Variants in CDH10 observed in about 807,000 individuals in gnomAD.
The protein encoded by CDH10 is cadherin-10.
CDH10 carries 30 observed loss-of-function variants against 73.1 expected under a neutral mutation model. The observed-to-expected ratio is 0.41, with a 90% CI of 0.31 to 0.56. The LOEUF is 0.56. Among genes scored for constraint, CDH10 ranks in the 20% least tolerant of loss-of-function variants. The pLI is 0.27. For missense variants in CDH10, 815 were observed against 973.7 expected, an observed-to-expected ratio of 0.84 and a Z score of 2.17; for synonymous variants, 345 against 348.2, an observed-to-expected ratio of 0.99 and a Z score of 0.10.
chr5:24,632,138 T>C (rs1230452613), intron 1 of CDH10, among the ~76,000 whole-genome samples: 1 of 152,108 alleles, frequency 6.6e-6, no homozygotes, highest in African/African-American at 2.4e-5. Flanking sequence ...TAGATATTTC[T>C]AGCTAAAATT....
rs70965605 is a variant in CDH10 at position 24,504,506 on chromosome 5, CT to C, written c.1393+605del. 1.6e-3 allele frequency among the ~76,000 whole-genome samples: 101 copies of C among 65,160 alleles called. 37 individuals carry two copies. The highest frequency in any genetic ancestry group is 3.7e-3 in the African/African-American group (59 of 16,040). The allele number at this position is 65,160 out of a possible 152,430, so 42.7% of individuals were successfully genotyped here. On this transcript the variant is annotated intron_variant, in intron 8 of 11. Transcript: ENST00000264463. ...TATTAAATGCTTTTCTCCTATTAATCTTTTTTTTTTTTTTTTTTTTTTTTTT... is the reference window on the plus strand; with the variant it reads ...TATTAAATGCTTTTCTCCTATTAATCTTTTTTTTTTTTTTTTTTTTTTTTT...
chr5:24,617,923 A>G (rs1430152015), intron 1 of CDH10, among the ~76,000 whole-genome samples: 1 of 152,190 alleles, frequency 6.6e-6, no homozygotes, highest in Non-Finnish European at 1.5e-5. Context: ...ATTGTAAGGA[A>G]TCTTAGCAAT....
intron 5 of CDH10, among the ~76,000 whole-genome samples, chr5:24,525,805 T>C (rs547412367): frequency 6.6e-6 from 1 of 152,192 alleles, no homozygotes; most frequent in East Asian, 1.9e-4. Context: ...CATGTCTTAG[T>C]TTCCTGTTCA....
At chr5:24,534,243 A>C (rs1375324680) in intron 5 of CDH10, among the ~76,000 whole-genome samples, 1 of 152,082 alleles carries the variant, frequency 6.6e-6, no homozygotes, top group Admixed American at 6.6e-5. Flanking sequence ...GGGGGGACCA[A>C]TTCAGAGGTT....
chr5:24,523,492 C>CA (rs1189209965), intron 5 of CDH10, among the ~76,000 whole-genome samples: 1 of 151,766 alleles, frequency 6.6e-6, no homozygotes, highest in Non-Finnish European at 1.5e-5. Context: ...CCGAAAGAGA[C>CA]AAAACAAAAG....
chr5:24,543,375 A>T (rs185574169), intron 2 of CDH10, among the ~76,000 whole-genome samples: 7 of 152,326 alleles, frequency 4.6e-5, no homozygotes, highest in Admixed American at 4.6e-4. Context: ...TTTTAGAAAG[A>T]TAAATTTCGA....
intron 2 of CDH10, among the ~76,000 whole-genome samples, chr5:24,565,278 T>C (rs1215028089): frequency 6.6e-6 from 1 of 152,176 alleles, no homozygotes. Flanking sequence ...TTTAAAAAAC[T>C]TCTATAGTTG....
intron 2 of CDH10, among the ~76,000 whole-genome samples, chr5:24,576,562 T>C (rs1173057903): frequency 6.6e-6 from 1 of 151,758 alleles, no homozygotes; most frequent in Non-Finnish European, 1.5e-5. Flanking sequence ...TAGGGCAGAG[T>C]TCCCAATGGC....
chr5:24,554,473 C>CGTGTGTGT (rs70965612), intron 2 of CDH10, among the ~76,000 whole-genome samples: 1 of 149,326 alleles, frequency 6.7e-6, no homozygotes, highest in African/African-American at 2.5e-5. Flanking sequence ...TCTCCCTATT[C>CGTGTGTGT]GTGTGTGTGT....
At chr5:24,504,915 G>T (rs1485941256) in intron 8 of CDH10, among the ~76,000 whole-genome samples, 197 bp downstream of exon 8, 1 of 151,968 alleles carries the variant, frequency 6.6e-6, no homozygotes, top group Non-Finnish European at 1.5e-5. Context: ...CTACCAATAT[G>T]TATAGGTATC....
intron 2 of CDH10, among the ~76,000 whole-genome samples, chr5:24,568,739 C>T (rs1260792366): frequency 6.6e-6 from 1 of 152,050 alleles, no homozygotes; most frequent in Non-Finnish European, 1.5e-5. Flanking sequence ...AAGGTGGGAA[C>T]AATCCAGATG....
At chr5:24,568,082 A>T (rs555080303) in intron 2 of CDH10, among the ~76,000 whole-genome samples, 1 of 152,184 alleles carries the variant, frequency 6.6e-6, no homozygotes, top group Non-Finnish European at 1.5e-5. Flanking sequence ...TCTATTCTCC[A>T]GAAAAATATC....
intron 8 of CDH10, among the ~76,000 whole-genome samples, chr5:24,501,490 T>C (rs1742493127): frequency 6.6e-6 from 1 of 152,174 alleles, no homozygotes; most frequent in African/African-American, 2.4e-5. Flanking sequence ...GCAGCTGGCA[T>C]ATATTTACCA....
At chr5:24,559,158 T>C (rs978926968) in intron 2 of CDH10, among the ~76,000 whole-genome samples, 12 of 151,886 alleles carry the variant, frequency 7.9e-5, no homozygotes, top group Non-Finnish European at 1.8e-4. Context: ...ATAGGTATTA[T>C]AGGAATTATT....
chr5:24,641,134 C>T (rs1029927049), intron 1 of CDH10, among the ~76,000 whole-genome samples: 1 of 151,842 alleles, frequency 6.6e-6, no homozygotes, highest in African/African-American at 2.4e-5. Flanking sequence ...GCAAAATGGA[C>T]TTATACGCTT....
At chr5:24,612,969 A>G (rs1189546856) in intron 1 of CDH10, 1 of 152,184 alleles carries the variant, frequency 6.6e-6, no homozygotes, top group Non-Finnish European at 1.5e-5. Context: ...CATTGAGGAC[A>G]CAGCCCTCTG....
rs535714192 is a variant in CDH10, at chr5:24,628,376, T to C, written c.-124+16218A>G. The stretch of plus-strand genomic sequence containing the variant: ...AAAGCTATCTTCACTGGAAATGTAG[T>C]GGAGACAAACTGCAGACACCAAGTG... On this transcript the variant is annotated intron_variant, in intron 1 of 11. Transcript: ENST00000264463. Among the ~76,000 whole-genome samples, 5 of 152,306 alleles carry C rather than the reference T, an allele frequency of 3.3e-5. No individual in the cohort carries two copies. In the East Asian group the frequency reaches 5.8e-4, roughly 18 times the overall value.
chr5:24,565,559 A>G (rs1272480788), intron 2 of CDH10, among the ~76,000 whole-genome samples: 1 of 152,220 alleles, frequency 6.6e-6, no homozygotes, highest in Non-Finnish European at 1.5e-5. Flanking sequence ...GTTAAAATTT[A>G]TTATGGACTA....
At chr5:24,578,237 T>A (rs1044549695) in intron 2 of CDH10, 1 of 186,092 alleles carries the variant, frequency 5.4e-6, no homozygotes, top group African/African-American at 2.4e-5. Context: ...TATTATTTTT[T>A]GCCTAAGTTG....
Sources: gnomAD v4.1 joint callset for allele counts (sites outside exome capture counted in the v4.1 genomes callset) on GRCh38, gnomAD v4.1.1 for gene constraint, MANE v1.5 for transcripts, NCBI Gene and HGNC (gene_info 2026-07-23, HGNC 2026-07-21) for gene names.